MBNL2: variants seen among roughly 807,000 people sequenced by gnomAD.
The protein encoded by MBNL2 is muscleblind-like protein 2.
In MBNL2, 17 loss-of-function variants were observed where a neutral mutation model predicts 41.9. That is an observed-to-expected ratio of 0.41 (90% confidence interval 0.28 to 0.61). The LOEUF is 0.61. Among genes scored for constraint, MBNL2 ranks in the 20% least tolerant of loss-of-function variants. The pLI, the probability that MBNL2 is intolerant of heterozygous loss-of-function variation, is 0.35. For synonymous variants in MBNL2, 195 were observed against 182.9 expected (o/e 1.07, Z -0.53); for missense variants, 336 against 505.6 (o/e 0.66, Z 3.22).
At chr13:97,288,732 C>G (rs1490341029) in intron 2 of MBNL2, among the ~76,000 whole-genome samples, 1 of 152,174 alleles carries the variant, frequency 6.6e-6, no homozygotes, top group Non-Finnish European at 1.5e-5. Context: ...AGATTATAGT[C>G]CAGTGTATAT....
In MBNL2 at chr13:97,366,753, T is replaced by C. The variant is rs2063875966; in HGVS notation, c.1048+1582T>C. ...TTTACTGCAAATAATGATGTAGCTA[T>C]GTTTTGTGTTGCACTGTTTGTTTTC... On this transcript the variant is annotated intron_variant, in intron 8 of 8. Transcript: ENST00000679496. The surrounding 1 kb of genome is among the most constrained non-coding windows in gnomAD (Gnocchi z 4.7). 1.5e-6 allele frequency: 1 copy of C among 647,058 alleles called. No individual in the cohort carries two copies. Among genetic ancestry groups the C allele is most frequent in the Admixed American group, 2.6e-5 (1 of 39,048 alleles). The allele number at this position is 647,058 out of a possible 1,614,324, so 40.1% of individuals were successfully genotyped here. A position where few individuals can be genotyped will look rare whatever the true frequency, so the allele number is the denominator to read the frequency against.
At chr13:97,160,154 G>T in the MBNL2 span, among the ~76,000 whole-genome samples, 1 of 151,992 alleles carries the variant, frequency 6.6e-6, no homozygotes, top group African/African-American at 2.4e-5. Flanking sequence ...TTGCTGTTAC[G>T]GGAAAGCTCT....
chr13:97,222,082 C>G (rs2040907298), upstream of MBNL2, among the ~76,000 whole-genome samples: 1 of 152,190 alleles, frequency 6.6e-6, no homozygotes, highest in African/African-American at 2.4e-5. Context: ...TGAGCTACCC[C>G]TCTCTCTGCT....
At chr13:97,178,443 T>A in the MBNL2 span, among the ~76,000 whole-genome samples, 1 of 152,208 alleles carries the variant, frequency 6.6e-6, no homozygotes, top group Non-Finnish European at 1.5e-5. Context: ...AATTACATAG[T>A]AAAGACTGAA....
At chr13:97,211,982 G>A in the MBNL2 span, among the ~76,000 whole-genome samples, 1 of 152,120 alleles carries the variant, frequency 6.6e-6, no homozygotes, top group East Asian at 1.9e-4. Flanking sequence ...AAGGGGAGAT[G>A]GGGAAATATC....
At chr13:97,378,710 A>G (rs962638009) in intron 8 of MBNL2, among the ~76,000 whole-genome samples, 3 of 152,210 alleles carry the variant, frequency 2.0e-5, no homozygotes, top group Admixed American at 6.5e-5. Flanking sequence ...AGATCGTATA[A>G]TATTTAAGTT....
upstream of MBNL2, among the ~76,000 whole-genome samples, chr13:97,218,388 C>T (rs369266041): frequency 1.5e-4 from 21 of 137,606 alleles, no homozygotes; most frequent in African/African-American, 4.9e-4. Flanking sequence ...CCAGCCTGGG[C>T]GACAGAGCGA....
intron 1 of MBNL2, among the ~76,000 whole-genome samples, chr13:97,273,811 A>T (rs1426886061): frequency 2.6e-5 from 4 of 152,170 alleles, no homozygotes; most frequent in African/African-American, 9.7e-5. Flanking sequence ...CTGTTGTCTC[A>T]ACATTTTGGG....
chr13:97,207,532 C>G, the MBNL2 span, among the ~76,000 whole-genome samples: 16 of 152,160 alleles, frequency 1.1e-4, no homozygotes, highest in Non-Finnish European at 1.8e-4. Flanking sequence ...TCTTGTGAGA[C>G]TTATTCACTG....
chr13:97,291,258 TTGAGACAGAGTCTCACTC>T lies in MBNL2; in HGVS notation c.174+14852_174+14869del, dbSNP rs1475893029. On this transcript the variant is annotated intron_variant, in intron 2 of 8. Coordinates refer to ENST00000679496, the MANE Select transcript of MBNL2 (RefSeq NM_001382683.1). ...TAGAATTATTATTATTATTATTATT[TTGAGACAGAGTCTCACTC>T]TGTTGCCCAGGCTGGAGTGCAGTGG... Among the ~76,000 whole-genome samples the T allele has an allele frequency of 1.3e-5, 2 of 151,988 alleles. 1 individual carries two copies. Among genetic ancestry groups the T allele is most frequent in the Non-Finnish European group, 2.9e-5 (2 of 67,984 alleles).
At chr13:97,160,577 C>G in the MBNL2 span, among the ~76,000 whole-genome samples, 4 of 152,208 alleles carry the variant, frequency 2.6e-5, no homozygotes, top group Admixed American at 6.5e-5. Context: ...CACACATGCA[C>G]ACACACACAT....
chr13:97,166,559 G>A, the MBNL2 span, among the ~76,000 whole-genome samples: 14 of 152,160 alleles, frequency 9.2e-5, no homozygotes, highest in Non-Finnish European at 1.9e-4. Flanking sequence ...TCAGCTGTCA[G>A]TGAGGCTAGA....
the MBNL2 span, among the ~76,000 whole-genome samples, chr13:97,167,079 T>C: frequency 2.0e-5 from 3 of 152,108 alleles, no homozygotes; most frequent in Non-Finnish European, 4.4e-5. Flanking sequence ...GAGCACAGAG[T>C]AAATGCTCAG....
At position 97,391,337 on chromosome 13, in the gene MBNL2, T is replaced by A; in HGVS notation, c.1064T>A (p.Ile355Asn). Residue 355 changes from isoleucine to asparagine, a missense_variant, in exon 9 of 9, where the codon ATC becomes AAC. By Grantham distance (149) the Ile-to-Asn change is moderately radical. Transcript: ENST00000679496. ...PATSIDNSEI[I>N]SRNGMECQES... is the part of the protein sequence containing the mutation. Reference sequence around the variant, plus strand: ...TCTTTAACAGATAATTCTGAAATAATCAGCAGAAACGGAATGGAATGCCAA... The same window carrying A: ...TCTTTAACAGATAATTCTGAAATAAACAGCAGAAACGGAATGGAATGCCAA... The A allele has an allele frequency of 6.7e-7, 1 of 1,485,522 alleles. No homozygotes were observed. The highest frequency in any genetic ancestry group is 9.4e-7 in the Non-Finnish European group (1 of 1,063,486). 92.0% of individuals were successfully genotyped at this position (1,485,522 alleles called of 1,614,324 possible).
At chr13:97,165,053 A>C in the MBNL2 span, among the ~76,000 whole-genome samples, 1 of 152,128 alleles carries the variant, frequency 6.6e-6, no homozygotes. Flanking sequence ...AAAATACAAA[A>C]ATTAGCCAGG....
the MBNL2 span, among the ~76,000 whole-genome samples, chr13:97,164,911 A>G: frequency 6.6e-6 from 1 of 152,256 alleles, no homozygotes; most frequent in South Asian, 2.1e-4. Context: ...CATTCTTAGA[A>G]AAAGAAAACA....
At chr13:97,338,180 G>A (rs2061051632) in intron 3 of MBNL2, among the ~76,000 whole-genome samples, 1 of 152,064 alleles carries the variant, frequency 6.6e-6, no homozygotes, top group Admixed American at 6.5e-5. Context: ...CTGTGATCTG[G>A]TCACGACCCT....
In MBNL2 at chr13:97,235,722, C is replaced by A. The variant is rs537009670; in HGVS notation, c.-605+13191C>A. Among the ~76,000 whole-genome samples, 6 of 152,276 alleles carry A rather than the reference C, an allele frequency of 3.9e-5. No homozygotes were observed. The South Asian group carries it at 1.2e-3, about 32-fold the overall frequency. On this transcript the variant is annotated intron_variant, in intron 1 of 8. Transcript: ENST00000679496. ...GCATCAGTCAGTGCTGTTGTCCGAA[C>A]CCTCTGTGGCTCCTTCCTCCCTCCC...
chr13:97,202,173 C>T, the MBNL2 span, among the ~76,000 whole-genome samples: 2 of 152,136 alleles, frequency 1.3e-5, no homozygotes, highest in Non-Finnish European at 2.9e-5. Context: ...TTCAAAATAA[C>T]ATTGTGTTGG....
Sources: allele counts gnomAD v4.1 joint callset (sites outside exome capture counted in the v4.1 genomes callset), GRCh38; gene constraint gnomAD v4.1.1; non-coding constraint Gnocchi (gnomAD v3.1); transcripts MANE v1.5; gene names NCBI Gene and HGNC (gene_info 2026-07-23, HGNC 2026-07-21).